TBC1D2: variants seen among roughly 807,000 people sequenced by gnomAD.
The protein encoded by TBC1D2 is TBC1 domain family member 2.
TBC1D2 carries 58 observed loss-of-function variants against 91.1 expected under a neutral mutation model. That is an observed-to-expected ratio of 0.64 (90% CI 0.52 to 0.79). TBC1D2 has a LOEUF of 0.79. TBC1D2 is among the 30% of genes least tolerant of loss of function. TBC1D2 has a pLI of 0.00. For synonymous variants in TBC1D2, 482 were observed against 511.5 expected, an observed-to-expected ratio of 0.94 and a Z score of 0.78; for missense variants, 1,080 against 1,208.3, an observed-to-expected ratio of 0.89 and a Z score of 1.57.
chr9:98,236,615 C>A (rs1034282362), intron 3 of TBC1D2, among the ~76,000 whole-genome samples: 1 of 152,226 alleles, frequency 6.6e-6, no homozygotes. Flanking sequence ...TGACTTGATA[C>A]AGCATGAAGT....
chr9:98,251,912 T>G lies in TBC1D2; in HGVS notation c.384A>C (p.Gln128His). The G allele has an allele frequency of 1.3e-6, 2 of 1,599,398 alleles. No individual in the cohort carries two copies. The highest frequency in any genetic ancestry group is 1.7e-6 in the Non-Finnish European group (2 of 1,173,920). Reference protein sequence around the residue: ...RVITLKAATKQAMLYWLQQLQ... With the variant: ...RVITLKAATKHAMLYWLQQLQ... ...GCTGCTGCAGCCAGTACAGCATCGC[T>G]TGCTTGGTGGCGGCCTGAGAAGCAC... The change falls in exon 2 of 13, where the codon CAA becomes CAC. Residue 128 changes from glutamine (Q) to histidine (H), a missense_variant. Coordinates refer to ENST00000465784, the MANE Select transcript of TBC1D2 (RefSeq NM_001267571.2).
chr9:98,232,489 T>A (rs558911160), intron 4 of TBC1D2, among the ~76,000 whole-genome samples: 83 of 152,126 alleles, frequency 5.5e-4, no homozygotes, highest in African/African-American at 1.7e-3. Context: ...GCTAATTTTT[T>A]TATTTTTTTG....
At chr9:98,243,898 G>A in intron 3 of TBC1D2, 96 bp downstream of exon 3, 3 of 1,480,220 alleles carry the variant, frequency 2.0e-6, no homozygotes, top group South Asian at 1.2e-5. Flanking sequence ...ACCCTCTCCC[G>A]GGGCCCATCT....
intron 6 of TBC1D2, among the ~76,000 whole-genome samples, chr9:98,218,579 T>TA (rs897420526): frequency 1.3e-5 from 2 of 151,032 alleles, no homozygotes; most frequent in East Asian, 1.9e-4. Context: ...AAAATAAAAA[T>TA]AAAAAAAAAT....
intron 7 of TBC1D2, among the ~76,000 whole-genome samples, chr9:98,211,662 C>T (rs909083359): frequency 2.6e-5 from 4 of 152,148 alleles, no homozygotes; most frequent in African/African-American, 9.7e-5. Flanking sequence ...CTTGCCCGGT[C>T]GCCATCTCCA....
At chr9:98,220,570 C>T (rs1456985028) in intron 6 of TBC1D2, among the ~76,000 whole-genome samples, 1 of 152,162 alleles carries the variant, frequency 6.6e-6, no homozygotes, top group Non-Finnish European at 1.5e-5. Flanking sequence ...GAGGCACCTT[C>T]ACTTTTCAGT....
chr9:98,237,953 G>A (rs191612490), intron 3 of TBC1D2, among the ~76,000 whole-genome samples: 2,402 of 148,822 alleles, frequency 0.016, 59 homozygotes, highest in African/African-American at 0.057. Context: ...GCCCAGGCTG[G>A]AGTGCAGTGG....
Position 98,208,877 on chromosome 9 carries a change from G to A in TBC1D2, c.1941C>T (p.His647=), listed in dbSNP as rs763195180. ...GCAGTTCCTGGTAGCAGCCTGGAGT[G>A]TGCAGGTGCTGGACACGGAGGTGGA... ...WLVHLRVQHL[H]TPGCYQELLS... is the part of the protein sequence containing the mutation. Residue 647 remains histidine, a synonymous_variant, in exon 9 of 13, where the codon CAC becomes CAT. Transcript: ENST00000465784. 1 of 1,614,170 alleles carries A rather than the reference G, an allele frequency of 6.2e-7. No homozygotes were observed.
chr9:98,221,174 C>T lies in TBC1D2; in HGVS notation c.1033G>A (p.Ala345Thr). The change falls in exon 6 of 13, where the codon GCG becomes ACG. Residue 345 changes from alanine to threonine, a missense_variant. Coordinates refer to ENST00000465784, the MANE Select transcript of TBC1D2 (RefSeq NM_001267571.2). Reference protein sequence around the residue: ...ALEAAQQEKRASSAYLAAAED... With the variant: ...ALEAAQQEKRTSSAYLAAAED... ...GCCGCCGCCAGGTATGCGCTGGACG[C>T]CCGCTTCTCCTGCTGGGCGGCCTCC... 6.4e-7 allele frequency: 1 copy of T among 1,561,472 alleles called. No individual in the cohort carries two copies.
At chr9:98,203,480 G>C (rs893872738) in intron 9 of TBC1D2, 72 bp from the exon 10 acceptor site, 1 of 1,585,970 alleles carries the variant, frequency 6.3e-7, no homozygotes, top group African/African-American at 1.3e-5. Flanking sequence ...GGCAGAGGTG[G>C]CTTCCTGGGT....
intron 2 of TBC1D2, among the ~76,000 whole-genome samples, chr9:98,244,444 A>G (rs1829719765): frequency 6.6e-6 from 1 of 151,982 alleles, no homozygotes; most frequent in Non-Finnish European, 1.5e-5. Flanking sequence ...GGATCACCTG[A>G]GGTGGGGAGT....
In TBC1D2 at chr9:98,220,913, G is replaced by A. The variant is rs746965530; in HGVS notation, c.1294C>T (p.Pro432Ser). 9.9e-6 allele frequency: 16 copies of A among 1,614,164 alleles called. No individual in the cohort carries two copies. The highest frequency in any genetic ancestry group is 6.6e-5 in the South Asian group (6 of 91,086). The change falls in exon 6 of 13, where the codon CCC becomes TCC. Residue 432 changes from proline (P) to serine (S), a missense_variant. Pro to Ser is a moderately conservative substitution (Grantham distance 74). Transcript: ENST00000465784. ...SEKVTQDFTHPPDQSPLRPDA... is the reference protein window; with the variant it reads ...SEKVTQDFTHSPDQSPLRPDA... ...GGGCGCAAAGGAGACTGGTCAGGGG[G>A]GTGCGTGAAGTCCTGGGTGACCTTC...
At chr9:98,203,205 T>C (rs1241502843) in intron 10 of TBC1D2, 83 bp downstream of exon 10, 25 of 1,561,938 alleles carry the variant, frequency 1.6e-5, no homozygotes, top group Non-Finnish European at 2.1e-5. Context: ...GATTCCCAAC[T>C]TTCCTGAGAG....
rs1829952086 is a variant in TBC1D2, at chr9:98,255,331, A to C, written c.211T>G (p.Tyr71Asp). Residue 71 changes from tyrosine (Y) to aspartate (D), a missense_variant, in exon 1 of 13, where the codon TAC becomes GAC. Coordinates refer to ENST00000465784, the MANE Select transcript of TBC1D2 (RefSeq NM_001267571.2). ...IRGWKSRWFFYDERKCQLYYS... is the reference protein window; with the variant it reads ...IRGWKSRWFFDDERKCQLYYS... ...TACAGCTGACATTTCCTTTCGTCGT[A>C]GAAGAACCAGCGGGATTTCCAGCCC... 2 of 1,614,258 alleles carry C rather than the reference A, an allele frequency of 1.2e-6. No homozygotes were observed. The highest frequency in any genetic ancestry group is 1.7e-6 in the Non-Finnish European group (2 of 1,180,040).
At position 98,210,418 on chromosome 9, in the gene TBC1D2, G is replaced by A. The variant is rs914559372; in HGVS notation, c.1673+238C>T. Among the ~76,000 whole-genome samples, 11 of 152,314 alleles carry A rather than the reference G, an allele frequency of 7.2e-5. No homozygotes were observed. The East Asian group carries it at 1.5e-3, about 21-fold the overall frequency. ...CATTTGGGAGGCAGCCTAGATAAATGGAAAGCATGGGGCTCTGGAGGCAGC... is the reference window on the plus strand; with the variant it reads ...CATTTGGGAGGCAGCCTAGATAAATAGAAAGCATGGGGCTCTGGAGGCAGC... On this transcript the variant is annotated intron_variant, in intron 8 of 12. Transcript: ENST00000465784.
intron 3 of TBC1D2, among the ~76,000 whole-genome samples, chr9:98,236,190 T>C (rs900906475): frequency 6.6e-6 from 1 of 152,156 alleles, no homozygotes; most frequent in Non-Finnish European, 1.5e-5. Flanking sequence ...CTCAAGAAGA[T>C]TGCATATTTC....
chr9:98,211,946 C>T (rs1349894283), intron 7 of TBC1D2, among the ~76,000 whole-genome samples: 1 of 152,148 alleles, frequency 6.6e-6, no homozygotes, highest in African/African-American at 2.4e-5. Context: ...TACAGGTGTG[C>T]ACCACCACGC....
chr9:98,200,572 C>T (rs2282433), intron 11 of TBC1D2, among the ~76,000 whole-genome samples, 198 bp from the exon 12 acceptor site: 12,342 of 93,486 alleles, frequency 0.13, 630 homozygotes, highest in East Asian at 0.23. Context: ...GGTGGGGGGG[C>T]GGGGGAAGGG....
chr9:98,203,213 G>C, intron 10 of TBC1D2, 75 bp downstream of exon 10: 2 of 1,570,100 alleles, frequency 1.3e-6, no homozygotes, highest in Non-Finnish European at 1.7e-6. Flanking sequence ...ACTTTCCTGA[G>C]AGTCACAGGC....
Sources: gnomAD v4.1 joint callset for allele counts (sites outside exome capture counted in the v4.1 genomes callset) on GRCh38, gnomAD v4.1.1 for gene constraint, MANE v1.5 for transcripts, NCBI Gene and HGNC (gene_info 2026-07-23, HGNC 2026-07-21) for gene names.